SNRPN: variants seen among roughly 807,000 people sequenced by gnomAD.
SNRPN encodes small nuclear ribonucleoprotein polypeptide N.
SNRPN carries 7 observed loss-of-function variants against 25.2 expected under a neutral mutation model. That is an observed-to-expected ratio of 0.28 (90% confidence interval 0.16 to 0.52). SNRPN has a LOEUF of 0.52. SNRPN is among the 20% of genes least tolerant of loss of function. The pLI is 0.96. For missense variants in SNRPN, 196 were observed against 322.5 expected, an observed-to-expected ratio of 0.61 and a Z score of 3.00; for synonymous variants, 124 against 110.6, an observed-to-expected ratio of 1.12 and a Z score of -0.76.
At chr15:24,950,843 C>T (rs147997886), upstream of SNRPN, among the ~76,000 whole-genome samples, 339 of 151,134 alleles carry the variant, frequency 2.2e-3, 1 homozygote, top group African/African-American at 7.6e-3. Context: ...CCCCTGTGCC[C>T]GGCCCCTATG....
intron 1 of SNRPN, among the ~76,000 whole-genome samples, chr15:24,825,136 T>C (rs1432277050): frequency 6.6e-6 from 1 of 152,186 alleles, no homozygotes; most frequent in East Asian, 1.9e-4. Flanking sequence ...GATAGAGCTT[T>C]GTTTGCCAGG....
At position 24,975,338 on chromosome 15, in the gene SNRPN, T is replaced by C; in HGVS notation, c.4-20T>C. 3 of 1,607,816 alleles carry C rather than the reference T, an allele frequency of 1.9e-6. No homozygotes were observed. The highest frequency in any genetic ancestry group is 1.7e-6 in the Non-Finnish European group (2 of 1,175,582). On this transcript the variant is annotated intron_variant, in intron 4 of 9. Coordinates refer to ENST00000390687, the MANE Select transcript of SNRPN (RefSeq NM_003097.6). ...AGGGTGTTGGCAAGCTGAACATGAC[T>C]CTTGTCTTACTGCTTCTAGACTGTT...
chr15:24,955,709 G>A (rs967796161), intron 1 of SNRPN, among the ~76,000 whole-genome samples: 1 of 150,810 alleles, frequency 6.6e-6, no homozygotes, highest in African/African-American at 2.4e-5. Flanking sequence ...GTCGCGGCGC[G>A]GGGAGAGTCC....
chr15:24,933,575 C>T (rs550535312), intron 3 of SNRPN, among the ~76,000 whole-genome samples: 13 of 152,118 alleles, frequency 8.5e-5, no homozygotes, highest in Non-Finnish European at 1.2e-4. Flanking sequence ...GTCAGGAGTT[C>T]GAGACCAGGC....
chr15:24,887,130 G>A (rs140539271), intron 2 of SNRPN, among the ~76,000 whole-genome samples: 1 of 149,674 alleles, frequency 6.7e-6, no homozygotes, highest in Admixed American at 6.7e-5. Context: ...ATATCCCCAC[G>A]AGCACACACT....
chr15:24,921,292 C>G (rs548159270), intron 3 of SNRPN: 1 of 152,216 alleles, frequency 6.6e-6, no homozygotes, highest in African/African-American at 2.4e-5. Context: ...CCAGGGAATT[C>G]GTGAGGATGC....
chr15:24,927,297 T>A (rs1247778209), intron 3 of SNRPN, among the ~76,000 whole-genome samples: 1 of 151,866 alleles, frequency 6.6e-6, no homozygotes, highest in Admixed American at 6.6e-5. Flanking sequence ...ATTTTTAAAA[T>A]TTTTTATAGA....
intron 2 of SNRPN, among the ~76,000 whole-genome samples, chr15:24,897,804 C>G (rs754712591): frequency 2.0e-5 from 3 of 152,154 alleles, no homozygotes; most frequent in Non-Finnish European, 4.4e-5. Flanking sequence ...TTTGCTTCTC[C>G]TTTGCTTTCC....
intron 2 of SNRPN, among the ~76,000 whole-genome samples, chr15:24,890,001 G>A (rs1281373281): frequency 7.1e-6 from 1 of 140,436 alleles, no homozygotes; most frequent in Admixed American, 7.6e-5. Flanking sequence ...AGTGAGCTGA[G>A]ATCGCACCTC....
chr15:24,941,530 G>T (rs897159342), intron 3 of SNRPN, among the ~76,000 whole-genome samples: 5 of 152,160 alleles, frequency 3.3e-5, no homozygotes, highest in Non-Finnish European at 7.3e-5. Flanking sequence ...TCATAGTCCT[G>T]CCTGAATTTC....
At chr15:24,868,148 T>C (rs911468036) in intron 1 of SNRPN, among the ~76,000 whole-genome samples, 1 of 146,826 alleles carries the variant, frequency 6.8e-6, no homozygotes, top group South Asian at 2.4e-4. Flanking sequence ...CACACACACA[T>C]ATACATATGC....
chr15:24,970,626 ATAT>A (rs1054629727), intron 3 of SNRPN, among the ~76,000 whole-genome samples: 1 of 152,164 alleles, frequency 6.6e-6, no homozygotes, highest in African/African-American at 2.4e-5. Flanking sequence ...TGGTACCTAA[ATAT>A]TTACCAGGGT....
chr15:24,945,376 C>G (rs1055755994), intron 3 of SNRPN, among the ~76,000 whole-genome samples: 1 of 145,758 alleles, frequency 6.9e-6, no homozygotes, highest in African/African-American at 2.6e-5. Context: ...AGTACCACAG[C>G]CAGTTGCAAT....
At chr15:24,852,106 T>G (rs1400510442), upstream of SNRPN, 2 of 152,240 alleles carry the variant, frequency 1.3e-5, no homozygotes, top group African/African-American at 4.8e-5. Context: ...GTTGATCATT[T>G]ATGAAGATTA....
At chr15:24,946,779 T>C (rs1006382750) in intron 3 of SNRPN, among the ~76,000 whole-genome samples, 7 of 152,250 alleles carry the variant, frequency 4.6e-5, no homozygotes, top group Admixed American at 4.6e-4. Flanking sequence ...ACATGGTTTT[T>C]ATTTTTTGTT....
intron 3 of SNRPN, among the ~76,000 whole-genome samples, chr15:24,949,896 T>C (rs908678465): frequency 5.9e-5 from 9 of 151,808 alleles, no homozygotes; most frequent in African/African-American, 2.2e-4. Context: ...GGTGTAATCA[T>C]AGTTCACTGC....
intron 1 of SNRPN, among the ~76,000 whole-genome samples, chr15:24,879,033 A>C (rs1400053720): frequency 6.6e-6 from 1 of 151,948 alleles, no homozygotes; most frequent in Non-Finnish European, 1.5e-5. Context: ...TTTTTAAAAT[A>C]TATTTAAAAA....
chr15:24,967,894 T>A (rs1258146794), intron 2 of SNRPN, 38 bp from the exon 3 acceptor site: 1 of 1,541,076 alleles, frequency 6.5e-7, no homozygotes, highest in Non-Finnish European at 9.0e-7. Flanking sequence ...AAGACAAATG[T>A]ATTTTTATCA....
At chr15:24,957,540 C>T (rs1372880101) in intron 1 of SNRPN, among the ~76,000 whole-genome samples, 3 of 152,142 alleles carry the variant, frequency 2.0e-5, no homozygotes, top group Non-Finnish European at 4.4e-5. Context: ...TCTTCCTTTG[C>T]AGGATTTTCA....
Sources: gnomAD v4.1 joint callset for allele counts (sites outside exome capture counted in the v4.1 genomes callset) on GRCh38, gnomAD v4.1.1 for gene constraint, MANE v1.5 for transcripts, NCBI Gene and HGNC (gene_info 2026-07-23, HGNC 2026-07-21) for gene names.